LDAH: variants seen among roughly 807,000 people sequenced by gnomAD.
The protein encoded by LDAH is lipid droplet-associated hydrolase.
LDAH carries 26 observed loss-of-function variants against 29.6 expected under a neutral mutation model. The observed-to-expected ratio is 0.88, with a 90% CI of 0.64 to 1.22. LDAH has a LOEUF of 1.22. Among genes scored for constraint, LDAH ranks in the 50% most tolerant of loss-of-function variants. The probability of loss-of-function intolerance (pLI) is 0.00; values close to 1 mark genes in which losing one functional copy is unlikely to be tolerated. For synonymous variants in LDAH, 117 were observed against 133.0 expected (o/e 0.88, Z 0.83); for missense variants, 344 against 387.3 (o/e 0.89, Z 0.94).
intron 4 of LDAH, among the ~76,000 whole-genome samples, chr2:20,765,899 C>A (rs767981086): frequency 1.3e-5 from 2 of 152,084 alleles, no homozygotes; most frequent in Non-Finnish European, 2.9e-5. Flanking sequence ...GAAAGTAAGT[C>A]ACATGCTTGG....
chr2:20,711,803 T>C (rs1664784713), intron 5 of LDAH, among the ~76,000 whole-genome samples: 1 of 152,214 alleles, frequency 6.6e-6, no homozygotes, highest in Non-Finnish European at 1.5e-5. Flanking sequence ...CAGTCTGAGA[T>C]TGACCTGCAA....
At chr2:20,777,183 T>C (rs1669876405) in intron 3 of LDAH, among the ~76,000 whole-genome samples, 1 of 152,176 alleles carries the variant, frequency 6.6e-6, no homozygotes, top group African/African-American at 2.4e-5. Flanking sequence ...CTAAATATTC[T>C]AAAATTTCAC....
chr2:20,815,785 A>G (rs950713370), intron 1 of LDAH, among the ~76,000 whole-genome samples: 4 of 152,138 alleles, frequency 2.6e-5, no homozygotes, highest in Admixed American at 1.3e-4. Context: ...AAGTTCCTCA[A>G]ACAAAAAGGA....
chr2:20,811,387 C>T (rs1284698268), intron 1 of LDAH, among the ~76,000 whole-genome samples: 2 of 152,106 alleles, frequency 1.3e-5, no homozygotes, highest in African/African-American at 4.8e-5. Context: ...TCATTAATAC[C>T]TCATCTCCTT....
At chr2:20,737,736 G>T (rs1666888673) in intron 5 of LDAH, among the ~76,000 whole-genome samples, 1 of 152,148 alleles carries the variant, frequency 6.6e-6, no homozygotes, top group Non-Finnish European at 1.5e-5. Context: ...ATTTTCAGAG[G>T]CGTGTGAACC....
chr2:20,709,914 C>T (rs981925563), intron 5 of LDAH, among the ~76,000 whole-genome samples: 21 of 152,166 alleles, frequency 1.4e-4, no homozygotes, highest in African/African-American at 4.8e-4. Flanking sequence ...AGATATCAGA[C>T]TTTGTGGGAC....
At chr2:20,790,500 T>G in intron 2 of LDAH, 102 bp from the exon 3 acceptor site, 1 of 955,580 alleles carries the variant, frequency 1.0e-6, no homozygotes, top group South Asian at 1.6e-5. Flanking sequence ...CACACTTTCC[T>G]CTGAATTCTT....
At chr2:20,746,212 T>C (rs116363767) in intron 4 of LDAH, among the ~76,000 whole-genome samples, 7 of 152,290 alleles carry the variant, frequency 4.6e-5, no homozygotes, top group Non-Finnish European at 8.8e-5. Context: ...ATGTAACCCA[T>C]AGTACATAAG....
chr2:20,790,442 CA>C, intron 2 of LDAH, 44 bp from the exon 3 acceptor site: 1 of 1,566,768 alleles, frequency 6.4e-7, no homozygotes, highest in Non-Finnish European at 8.7e-7. Context: ...AAGTAATAAA[CA>C]GGCATAAGAT....
intron 2 of LDAH, among the ~76,000 whole-genome samples, chr2:20,792,145 T>C (rs1284821501): frequency 2.6e-5 from 4 of 152,078 alleles, no homozygotes; most frequent in Non-Finnish European, 5.9e-5. Context: ...CATTAATATA[T>C]TACTTTACAA....
At chr2:20,821,574 C>T (rs551053596) in intron 1 of LDAH, among the ~76,000 whole-genome samples, 1 of 152,126 alleles carries the variant, frequency 6.6e-6, no homozygotes, top group Non-Finnish European at 1.5e-5. Context: ...AATGAGAACA[C>T]TTGGACACAG....
intron 4 of LDAH, among the ~76,000 whole-genome samples, chr2:20,766,275 C>T (rs1204603703): frequency 6.6e-6 from 1 of 152,122 alleles, no homozygotes; most frequent in East Asian, 1.9e-4. Flanking sequence ...CAGACGCTTC[C>T]ATTCTCTGGG....
chr2:20,721,041 G>C (rs776680646), intron 5 of LDAH, among the ~76,000 whole-genome samples: 2 of 152,054 alleles, frequency 1.3e-5, no homozygotes, highest in Non-Finnish European at 2.9e-5. Flanking sequence ...ACATTAGGGG[G>C]AATGCTACAG....
intron 4 of LDAH, among the ~76,000 whole-genome samples, chr2:20,771,318 CAT>C (rs1669397907): frequency 6.6e-6 from 1 of 152,166 alleles, no homozygotes; most frequent in Non-Finnish European, 1.5e-5. Context: ...CTAAACTACA[CAT>C]ATGTCCTCAA....
chr2:20,809,515 C>CAT (rs1436530830), intron 1 of LDAH, among the ~76,000 whole-genome samples: 1 of 152,100 alleles, frequency 6.6e-6, no homozygotes, highest in Non-Finnish European at 1.5e-5. Context: ...GAACACTATA[C>CAT]ATATACACAC....
At chr2:20,729,543 T>C (rs1666253534) in intron 5 of LDAH, among the ~76,000 whole-genome samples, 1 of 152,200 alleles carries the variant, frequency 6.6e-6, no homozygotes, top group Admixed American at 6.5e-5. Flanking sequence ...GTCCTCAACC[T>C]TCTCAATGTC....
At chr2:20,803,104 C>T (rs1671819457) in intron 1 of LDAH, among the ~76,000 whole-genome samples, 1 of 152,162 alleles carries the variant, frequency 6.6e-6, no homozygotes, top group African/African-American at 2.4e-5. Flanking sequence ...TGGGGAACTA[C>T]TGAGATACAG....
chr2:20,770,322 A>G (rs1028222679), intron 4 of LDAH, among the ~76,000 whole-genome samples: 1 of 152,220 alleles, frequency 6.6e-6, no homozygotes, highest in Non-Finnish European at 1.5e-5. Context: ...GCCAAATAAT[A>G]TAAAAAATTA....
chr2:20,778,054 C>A (rs558496548), intron 3 of LDAH, among the ~76,000 whole-genome samples: 3 of 152,146 alleles, frequency 2.0e-5, no homozygotes, highest in African/African-American at 4.8e-5. Flanking sequence ...GGATGACAAT[C>A]CAATCCACCA....
Sources: allele counts gnomAD v4.1 joint callset (sites outside exome capture counted in the v4.1 genomes callset), GRCh38; gene constraint gnomAD v4.1.1; transcripts MANE v1.5; gene names NCBI Gene and HGNC (gene_info 2026-07-23, HGNC 2026-07-21).